Variants in C11orf21 observed in about 807,000 individuals in gnomAD.
C11orf21 encodes the protein uncharacterized protein C11orf21.
Under a neutral mutation model 15.2 loss-of-function variants are expected in C11orf21, and 19 were observed. The observed-to-expected ratio is 1.25, with a 90% CI of 0.87 to 1.84. The LOEUF is 1.84. Ranked by LOEUF, C11orf21 falls within the 40% of genes most tolerant of loss-of-function variation. The probability of loss-of-function intolerance (pLI) is 0.00; values close to 1 mark genes in which losing one functional copy is unlikely to be tolerated. For missense variants in C11orf21, 171 were observed against 174.4 expected, an observed-to-expected ratio of 0.98 and a Z score of 0.11; for synonymous variants, 62 against 66.8, an observed-to-expected ratio of 0.93 and a Z score of 0.35.
intron 1 of C11orf21, chr11:2,300,955 G>C (rs944329567): frequency 3.2e-6 from 2 of 617,884 alleles, no homozygotes; most frequent in African/African-American, 3.7e-5. Context: ...GACACTGTGG[G>C]TGCCAGGCAT....
At chr11:2,301,365 G>C (rs1847734339) in intron 1 of C11orf21, 1 of 207,024 alleles carries the variant, frequency 4.8e-6, no homozygotes, top group Admixed American at 5.3e-5. Flanking sequence ...CCCTCTTCAG[G>C]CCCACCCTGC....
upstream of C11orf21, chr11:2,302,333 C>G: frequency 8.7e-7 from 1 of 1,144,220 alleles, no homozygotes; most frequent in East Asian, 2.9e-5. Context: ...CCTACTGTCC[C>G]TGTCCTGCCC....
intron 1 of C11orf21, chr11:2,300,847 G>A: frequency 1.5e-6 from 2 of 1,373,206 alleles, no homozygotes; most frequent in Non-Finnish European, 2.0e-6. Flanking sequence ...CAGCCCGGGG[G>A]CCTCCTGCCC....
In C11orf21 at chr11:2,301,835, C is replaced by T. The variant is rs1158046606; in HGVS notation, c.-27G>A. 6.4e-7 allele frequency: 1 copy of T among 1,550,744 alleles called. No homozygotes were observed. Among genetic ancestry groups the T allele is most frequent in the African/African-American group, 1.4e-5 (1 of 73,158 alleles). ...ACTTTCCCCCTCTCAGCGCCGTCCT[C>T]AGTGGCCACACCAAGAACGAGGCCA... On this transcript the variant is annotated 5_prime_UTR_variant, in exon 1 of 4. Transcript: ENST00000381153.
At chr11:2,302,248 G>T (rs1847793714), upstream of C11orf21, 5 of 1,381,884 alleles carry the variant, frequency 3.6e-6, no homozygotes, top group Non-Finnish European at 4.7e-6. Context: ...GTGGGTGGTG[G>T]GTGGGGGTGA....
intron 1 of C11orf21, chr11:2,301,438 A>C: frequency 3.6e-6 from 1 of 274,444 alleles, no homozygotes; most frequent in South Asian, 5.7e-5. Context: ...CCCATACGTA[A>C]TTACACGGCT....
upstream of C11orf21, chr11:2,302,955 TG>T (rs1163573629): frequency 1.9e-6 from 3 of 1,612,756 alleles, no homozygotes; most frequent in Non-Finnish European, 2.5e-6. Context: ...TGTGCACCAA[TG>T]GGGTAAGTGA....
At chr11:2,300,088 TGG>T (rs1847650240) in intron 2 of C11orf21, among the ~76,000 whole-genome samples, 1 of 51,260 alleles carries the variant, frequency 2.0e-5, no homozygotes, top group Admixed American at 2.4e-4. Flanking sequence ...CAGGGGTGTG[TGG>T]GGTGGGCAGG....
Position 2,296,158 on chromosome 11 carries a change from A to G in C11orf21, c.*1792T>C, listed in dbSNP as rs894839534. The G allele has an allele frequency of 1.8e-4, 28 of 152,220 alleles. No individual in the cohort carries two copies. Among genetic ancestry groups the G allele is most frequent in the African/African-American group, 6.0e-4 (25 of 41,456 alleles). The allele number at this position is 152,220 out of a possible 1,614,324, so 9.4% of individuals were successfully genotyped here. A position where few individuals can be genotyped will look rare whatever the true frequency, so the allele number is the denominator to read the frequency against. ...CATCTTCCAAGTCCTCGATGGCGGC[A>G]CTGACCTTTGCAGTCCCTCCAGGGC... On this transcript the variant is annotated 3_prime_UTR_variant, in exon 4 of 4. Coordinates refer to ENST00000381153, the MANE Select transcript of C11orf21 (RefSeq NM_001329958.2). This position sits in a 1 kb window ranked among gnomAD's most constrained non-coding sequence, Gnocchi z 5.6.
At chr11:2,300,486 TG>T in intron 2 of C11orf21, 33 bp downstream of exon 2, 1 of 1,378,018 alleles carries the variant, frequency 7.3e-7, no homozygotes, top group Non-Finnish European at 9.9e-7. Context: ...CTGCCCCCGC[TG>T]GTGGGGCACA....
chr11:2,301,043 G>A (rs1026046772), intron 1 of C11orf21: 21 of 469,638 alleles, frequency 4.5e-5, no homozygotes, highest in African/African-American at 2.8e-4. Context: ...CTGCCTGGGG[G>A]TGCTGGGCTG....
rs187168433 is a variant in C11orf21, at chr11:2,301,705, C to T, written c.53+51G>A. ...CCCATCCAAATTCCTCCAAGGATTACGCCCCCAAGGCCCAGTCCACACTTG... is the reference window on the plus strand; with the variant it reads ...CCCATCCAAATTCCTCCAAGGATTATGCCCCCAAGGCCCAGTCCACACTTG... On this transcript the variant is annotated intron_variant, in intron 1 of 3. Coordinates refer to ENST00000381153, the MANE Select transcript of C11orf21 (RefSeq NM_001329958.2). 1,132 of 1,434,846 alleles carry T rather than the reference C, an allele frequency of 7.9e-4. 5 individuals carry two copies. Among genetic ancestry groups the T allele is most frequent in the Middle Eastern group, 5.0e-3 (28 of 5,650 alleles). 88.9% of individuals were successfully genotyped at this position (1,434,846 alleles called of 1,614,324 possible).
chr11:2,302,186 C>T, upstream of C11orf21: 1 of 1,410,034 alleles, frequency 7.1e-7, no homozygotes, highest in Non-Finnish European at 9.3e-7. Flanking sequence ...TGCCAAATGC[C>T]AGATGCTGGT....
rs1238357860 is a variant in C11orf21, at chr11:2,296,285, AC to A, written c.*1664del. ...GTAGCCCCCACCCTCAGGTCAGGGA[AC>A]AAATGTGGGGGCTCTGCTGGCTGCC... On this transcript the variant is annotated 3_prime_UTR_variant, in exon 4 of 4. Transcript: ENST00000381153. This position sits in a 1 kb window ranked among gnomAD's most constrained non-coding sequence, Gnocchi z 5.6. 1.3e-5 allele frequency: 2 copies of A among 152,170 alleles called. No individual in the cohort carries two copies. The highest frequency in any genetic ancestry group is 4.8e-5 in the African/African-American group (2 of 41,422). 9.4% of individuals were successfully genotyped at this position (152,170 alleles called of 1,614,324 possible).
chr11:2,302,123 G>GGAGGA (rs746834021), upstream of C11orf21: 189 of 1,483,948 alleles, frequency 1.3e-4, no homozygotes, highest in Middle Eastern at 5.5e-4. Flanking sequence ...GGAAGGGAGG[G>GGAGGA]GAGGAGAGGA....
intron 3 of C11orf21, 79 bp downstream of exon 3, chr11:2,299,349 T>C: frequency 7.1e-7 from 1 of 1,412,910 alleles, no homozygotes; most frequent in Non-Finnish European, 9.4e-7. Flanking sequence ...AGCTCTTGAG[T>C]GCCTCCCCGG....
upstream of C11orf21, chr11:2,302,918 G>A (rs368347803): frequency 4.9e-5 from 79 of 1,613,708 alleles, no homozygotes; most frequent in South Asian, 3.7e-4. Flanking sequence ...TCCGCCGAGC[G>A]TCCCTGGAGA....
At position 2,296,879 on chromosome 11, in the gene C11orf21, T is replaced by A. The variant is rs1847537494; in HGVS notation, c.*1071A>T. On this transcript the variant is annotated 3_prime_UTR_variant, in exon 4 of 4. Transcript: ENST00000381153. The surrounding 1 kb of genome is among the most constrained non-coding windows in gnomAD (Gnocchi z 5.6). ...CCCTGACCAGCTCACTCTTATTTTGTCTGCCCTGGCCCTGATGCTGGTGTT... is the reference window on the plus strand; with the variant it reads ...CCCTGACCAGCTCACTCTTATTTTGACTGCCCTGGCCCTGATGCTGGTGTT... 1 of 152,392 alleles carries A rather than the reference T, an allele frequency of 6.6e-6. No individual in the cohort carries two copies. The highest frequency in any genetic ancestry group is 6.5e-5 in the Admixed American group (1 of 15,276). The allele number at this position is 152,392 out of a possible 1,614,324, so 9.4% of individuals were successfully genotyped here.
rs1847619210 is a variant in C11orf21 at position 2,299,432 on chromosome 11, G to A, written c.*24C>T. 1.3e-6 allele frequency: 2 copies of A among 1,549,182 alleles called. No homozygotes were observed. Among genetic ancestry groups the A allele is most frequent in the South Asian group, 1.2e-5 (1 of 84,048 alleles). Reference sequence around the variant, plus strand: ...CCTCAGAGCCCGGCTGCTCACCTCTGATGGACAGAAAAGGGTCCCTGTCTC... The same window carrying A: ...CCTCAGAGCCCGGCTGCTCACCTCTAATGGACAGAAAAGGGTCCCTGTCTC... On this transcript the variant is annotated 3_prime_UTR_variant, in exon 3 of 4. Coordinates refer to ENST00000381153, the MANE Select transcript of C11orf21 (RefSeq NM_001329958.2).
Sources: allele counts gnomAD v4.1 joint callset (sites outside exome capture counted in the v4.1 genomes callset), GRCh38; gene constraint gnomAD v4.1.1; non-coding constraint Gnocchi (gnomAD v3.1); transcripts MANE v1.5; gene names NCBI Gene and HGNC (gene_info 2026-07-23, HGNC 2026-07-21).